SP140L: variants seen among roughly 807,000 people sequenced by gnomAD.
SP140L encodes SP140 like nuclear body protein.
Under a neutral mutation model 84.3 loss-of-function variants are expected in SP140L, and 64 were observed. The ratio of observed to expected loss-of-function variants is 0.76; its 90% CI spans 0.62 to 0.94. SP140L has a LOEUF of 0.94. Ranked by LOEUF, SP140L falls within the 40% of genes least tolerant of loss-of-function variation. SP140L has a pLI of 0.00. For missense variants in SP140L, 628 were observed against 692.5 expected, an observed-to-expected ratio of 0.91 and a Z score of 1.05; for synonymous variants, 242 against 236.9, an observed-to-expected ratio of 1.02 and a Z score of -0.20.
chr2:230,342,520 C>T (rs1347310000), intron 2 of SP140L, among the ~76,000 whole-genome samples: 2 of 152,162 alleles, frequency 1.3e-5, no homozygotes, highest in Non-Finnish European at 2.9e-5. Flanking sequence ...CTCCCGGAGC[C>T]TGCGTTTTTC....
At chr2:230,381,276 C>A (rs1264076500) in intron 7 of SP140L, among the ~76,000 whole-genome samples, 1 of 152,176 alleles carries the variant, frequency 6.6e-6, no homozygotes, top group Non-Finnish European at 1.5e-5. Context: ...TGGAAAATTT[C>A]TAAGGAGGGA....
intron 15 of SP140L, chr2:230,400,661 C>A (rs184152209): frequency 1.2e-4 from 74 of 593,630 alleles, no homozygotes; most frequent in African/African-American, 1.1e-3. Context: ...TTCTGACACA[C>A]AGGCCTGGCA....
At chr2:230,375,673 C>T (rs960808738) in intron 7 of SP140L, among the ~76,000 whole-genome samples, 6 of 152,084 alleles carry the variant, frequency 3.9e-5, no homozygotes, top group Non-Finnish European at 8.8e-5. Flanking sequence ...TTTTTTATAA[C>T]CCATTGGCTA....
intron 15 of SP140L, chr2:230,400,542 T>C: frequency 2.1e-6 from 1 of 469,550 alleles, no homozygotes; most frequent in East Asian, 4.1e-5. Context: ...TCCCAGGGGG[T>C]TGAGGAAAAA....
intron 7 of SP140L, among the ~76,000 whole-genome samples, chr2:230,378,864 G>A (rs1296437787): frequency 6.6e-6 from 1 of 152,108 alleles, no homozygotes; most frequent in Admixed American, 6.5e-5. Flanking sequence ...CATCAAATTT[G>A]TATAGAAACT....
At chr2:230,388,815 G>T in intron 10 of SP140L, 182 bp downstream of exon 10, 3 of 579,172 alleles carry the variant, frequency 5.2e-6, no homozygotes, top group Non-Finnish European at 8.5e-6. Context: ...AAGTAAGTTG[G>T]TGATGGATCT....
chr2:230,330,094 C>G (rs1278128805), intron 2 of SP140L, among the ~76,000 whole-genome samples: 1 of 152,166 alleles, frequency 6.6e-6, no homozygotes, highest in African/African-American at 2.4e-5. Context: ...CCCATCTGGG[C>G]AGGCTCGACC....
chr2:230,390,983 A>T (rs1207616262), intron 11 of SP140L, among the ~76,000 whole-genome samples: 1 of 152,238 alleles, frequency 6.6e-6, no homozygotes, highest in Non-Finnish European at 1.5e-5. Flanking sequence ...ATGGAATCCT[A>T]TCATACATCC....
At chr2:230,395,832 AGT>A (rs1419381174) in intron 13 of SP140L, among the ~76,000 whole-genome samples, 1 of 152,194 alleles carries the variant, frequency 6.6e-6, no homozygotes, top group Non-Finnish European at 1.5e-5. Context: ...AAATAAATCT[AGT>A]GGGTTACCTC....
intron 7 of SP140L, among the ~76,000 whole-genome samples, chr2:230,374,567 C>G (rs1018318412): frequency 1.3e-5 from 2 of 152,300 alleles, no homozygotes; most frequent in African/African-American, 4.8e-5. Context: ...AATAGCTTTA[C>G]ATGTTACAGA....
chr2:230,340,314 C>A (rs554301780), intron 2 of SP140L, among the ~76,000 whole-genome samples: 3,885 of 146,666 alleles, frequency 0.026, 345 homozygotes, highest in African/African-American at 0.093. Context: ...GGGTTGCAAC[C>A]CCTGCCTTTT....
chr2:230,358,074 C>A, intron 3 of SP140L, 107 bp downstream of exon 3: 3 of 1,299,470 alleles, frequency 2.3e-6, no homozygotes, highest in Non-Finnish European at 3.2e-6. Flanking sequence ...CAGAGGTCAC[C>A]AGAGATGGTC....
At chr2:230,342,561 T>C (rs931018699) in intron 2 of SP140L, among the ~76,000 whole-genome samples, 1 of 152,208 alleles carries the variant, frequency 6.6e-6, no homozygotes, top group Non-Finnish European at 1.5e-5. Flanking sequence ...TTCCTACTTA[T>C]TCAATCAGTT....
chr2:230,385,350 G>C (rs752525998), intron 9 of SP140L, 46 bp downstream of exon 9: 1 of 1,577,764 alleles, frequency 6.3e-7, no homozygotes, highest in East Asian at 2.2e-5. Context: ...GCAGGTCAAT[G>C]CACATGTTGA....
At chr2:230,347,921 G>A (rs931577402) in intron 2 of SP140L, among the ~76,000 whole-genome samples, 18 of 152,210 alleles carry the variant, frequency 1.2e-4, no homozygotes, top group African/African-American at 4.3e-4. Context: ...TACCAGCATG[G>A]TGATCCATGC....
chr2:230,365,531 T>A (rs1338976252), intron 5 of SP140L, among the ~76,000 whole-genome samples: 2 of 152,110 alleles, frequency 1.3e-5, no homozygotes, highest in East Asian at 3.8e-4. Context: ...CTTTTCTTTT[T>A]TTTTAGTCTA....
intron 11 of SP140L, among the ~76,000 whole-genome samples, chr2:230,390,542 C>T (rs1019921579): frequency 6.6e-6 from 1 of 152,168 alleles, no homozygotes; most frequent in Non-Finnish European, 1.5e-5. Context: ...TAAAAACCTA[C>T]CTCATGATGT....
chr2:230,328,142 C>G (rs2059631942), intron 1 of SP140L, among the ~76,000 whole-genome samples: 2 of 152,182 alleles, frequency 1.3e-5, no homozygotes, highest in South Asian at 2.1e-4. Flanking sequence ...ACTGCAACCT[C>G]TGTCTCCTGG....
In SP140L at chr2:230,367,295, C is replaced by CTTTTTTTTTTT. The variant is rs200306286; in HGVS notation, c.524-3608_524-3598dup. Among the ~76,000 whole-genome samples, 68 of 118,034 alleles carry CTTTTTTTTTTT rather than the reference C, an allele frequency of 5.8e-4. 1 individual carries two copies. Among genetic ancestry groups the CTTTTTTTTTTT allele is most frequent in the Middle Eastern group, 9.8e-3 (2 of 204 alleles). The allele number at this position is 118,034 out of a possible 152,430, so 77.4% of individuals were successfully genotyped here. A position where few individuals can be genotyped will look rare whatever the true frequency, so the allele number is the denominator to read the frequency against. On this transcript the variant is annotated intron_variant, in intron 5 of 18. Transcript: ENST00000415673. ...TTTTTTTCCTTTCTTTCTTTTTTTTCTTTTTTTTTTTTTTTGAGACAGAGT... is the reference window on the plus strand; with the variant it reads ...TTTTTTTCCTTTCTTTCTTTTTTTTCTTTTTTTTTTTTTTTTTTTTTTTTTTGAGACAGAGT...
Sources: allele counts gnomAD v4.1 joint callset (sites outside exome capture counted in the v4.1 genomes callset), GRCh38; gene constraint gnomAD v4.1.1; transcripts MANE v1.5; gene names NCBI Gene and HGNC (gene_info 2026-07-23, HGNC 2026-07-21).